The following ZSCAN25 variants were observed in gnomAD, a reference collection of about 807,000 sequenced individuals.
ZSCAN25 encodes the protein zinc finger and SCAN domain-containing protein 25.
A neutral mutation model predicts 38.7 loss-of-function variants in ZSCAN25; 27 were observed. The ratio of observed to expected loss-of-function variants is 0.70; its 90% CI spans 0.51 to 0.96. ZSCAN25 has a LOEUF of 0.96. Among genes scored for constraint, ZSCAN25 ranks in the 40% least tolerant of loss-of-function variants. The pLI, the probability that ZSCAN25 is intolerant of heterozygous loss-of-function variation, is 0.00. For synonymous variants in ZSCAN25, 273 were observed against 277.7 expected, an observed-to-expected ratio of 0.98 and a Z score of 0.17; for missense variants, 637 against 705.9, an observed-to-expected ratio of 0.90 and a Z score of 1.11.
At chr7:99,693,245 C>T in the ZSCAN25 span, among the ~76,000 whole-genome samples, 2 of 151,734 alleles carry the variant, frequency 1.3e-5, no homozygotes, top group Non-Finnish European at 3.0e-5. Context: ...GCAAATATTT[C>T]TGCCTCATCC....
chr7:99,729,016 A>G, the ZSCAN25 span, among the ~76,000 whole-genome samples: 3 of 152,156 alleles, frequency 2.0e-5, no homozygotes, highest in Admixed American at 2.0e-4. Flanking sequence ...TTTTATCTAA[A>G]CCAATCTGGC....
In ZSCAN25 at chr7:99,619,622, C is replaced by A. The variant is rs554605817; in HGVS notation, c.16C>A (p.Pro6Thr). 2 of 1,613,384 alleles carry A rather than the reference C, an allele frequency of 1.2e-6. No homozygotes were observed. Among genetic ancestry groups the A allele is most frequent in the Admixed American group, 3.3e-5 (2 of 59,984 alleles). Reference sequence around the variant, plus strand: ...GAGTCTGAAGATGCTTAAAGAGCATCCAGAGATGGCGGAAGCTCCTCAGCA... The same window carrying A: ...GAGTCTGAAGATGCTTAAAGAGCATACAGAGATGGCGGAAGCTCCTCAGCA... MLKEH[P>T]EMAEAPQQQL... is the part of the protein sequence containing the mutation. Residue 6 changes from proline to threonine, a missense_variant, in exon 4 of 8, where the codon CCA becomes ACA. By Grantham distance (38) the Pro-to-Thr change is conservative. Transcript: ENST00000394152.
At chr7:99,700,889 A>G in the ZSCAN25 span, among the ~76,000 whole-genome samples, 3 of 152,190 alleles carry the variant, frequency 2.0e-5, no homozygotes, top group Non-Finnish European at 4.4e-5. Context: ...CTGTTTCCCA[A>G]CTAATGCAAT....
the ZSCAN25 span, chr7:99,685,204 A>G: frequency 1.2e-6 from 2 of 1,613,672 alleles, no homozygotes; most frequent in East Asian, 4.5e-5. Flanking sequence ...TTCTGGTTGA[A>G]GAAGTCCTCC....
chr7:99,688,151 G>A, the ZSCAN25 span, among the ~76,000 whole-genome samples: 1 of 152,250 alleles, frequency 6.6e-6, no homozygotes, highest in South Asian at 2.1e-4. Context: ...ATAATGACAG[G>A]ATCAAATTCA....
At chr7:99,635,405 A>G (rs1275309567), downstream of ZSCAN25, among the ~76,000 whole-genome samples, 4 of 152,206 alleles carry the variant, frequency 2.6e-5, no homozygotes, top group East Asian at 7.7e-4. Flanking sequence ...TTCTTAGATT[A>G]TAATTTTTTT....
the ZSCAN25 span, among the ~76,000 whole-genome samples, chr7:99,691,434 AAAT>A: frequency 6.6e-6 from 1 of 151,954 alleles, no homozygotes; most frequent in Admixed American, 6.6e-5. Context: ...CCTAAAACTT[AAAT>A]AATAATAAAA....
chr7:99,715,783 T>G, the ZSCAN25 span: 37 of 1,613,896 alleles, frequency 2.3e-5, no homozygotes, highest in African/African-American at 3.9e-4. Context: ...ATGGATCTAA[T>G]GGATTAAATC....
chr7:99,632,878 C>T (rs1808098947), downstream of ZSCAN25, among the ~76,000 whole-genome samples: 1 of 152,070 alleles, frequency 6.6e-6, no homozygotes, highest in Non-Finnish European at 1.5e-5. Flanking sequence ...GTTGCTTTGT[C>T]TCTTAAGGCT....
the ZSCAN25 span, chr7:99,649,967 G>A: frequency 6.5e-6 from 9 of 1,390,254 alleles, no homozygotes; most frequent in East Asian, 2.0e-4. Context: ...TAGGTTCTTT[G>A]GCCCATAGAA....
the ZSCAN25 span, chr7:99,720,300 A>G: frequency 6.2e-7 from 1 of 1,611,954 alleles, no homozygotes; most frequent in Non-Finnish European, 8.5e-7. Context: ...AATTTCAAAA[A>G]ATGGATGCTT....
the ZSCAN25 span, among the ~76,000 whole-genome samples, chr7:99,669,806 G>A: frequency 6.6e-6 from 1 of 152,262 alleles, no homozygotes; most frequent in African/African-American, 2.4e-5. Flanking sequence ...ATATGTTAAA[G>A]CAATTTTCTT....
At chr7:99,669,556 A>G in the ZSCAN25 span, among the ~76,000 whole-genome samples, 50 of 152,220 alleles carry the variant, frequency 3.3e-4, no homozygotes, top group Admixed American at 3.3e-3. Context: ...TCACCAGACT[A>G]TAGCCAGGAG....
At chr7:99,685,274 A>G in the ZSCAN25 span, 12 of 1,611,990 alleles carry the variant, frequency 7.4e-6, no homozygotes, top group African/African-American at 9.3e-5. Flanking sequence ...AGCATTAAAT[A>G]AAGCAAAATT....
chr7:99,734,411 A>G, the ZSCAN25 span, among the ~76,000 whole-genome samples: 1 of 152,146 alleles, frequency 6.6e-6, no homozygotes, highest in Non-Finnish European at 1.5e-5. Flanking sequence ...TAAAATCCAA[A>G]TTCTGGTTTG....
the ZSCAN25 span, among the ~76,000 whole-genome samples, chr7:99,646,678 G>C: frequency 6.6e-6 from 1 of 152,048 alleles, no homozygotes; most frequent in African/African-American, 2.4e-5. Context: ...AACGAGCTCT[G>C]GTTCCCTTCA....
chr7:99,723,637 C>T, the ZSCAN25 span, among the ~76,000 whole-genome samples: 7 of 152,264 alleles, frequency 4.6e-5, no homozygotes, highest in African/African-American at 1.4e-4. Context: ...TGTCCTCGCC[C>T]TCACTCCATG....
chr7:99,723,555 T>C, the ZSCAN25 span, among the ~76,000 whole-genome samples: 7 of 152,272 alleles, frequency 4.6e-5, no homozygotes, highest in African/African-American at 1.7e-4. Flanking sequence ...TGGTGGTCTC[T>C]TCACATGGAC....
the ZSCAN25 span, chr7:99,711,030 G>A: frequency 1.4e-6 from 2 of 1,420,696 alleles, no homozygotes; most frequent in African/African-American, 1.4e-5. Flanking sequence ...CACTGGGGGT[G>A]GTTTCACTCT....
Sources: gnomAD v4.1 joint callset for allele counts (sites outside exome capture counted in the v4.1 genomes callset) on GRCh38, gnomAD v4.1.1 for gene constraint, MANE v1.5 for transcripts, NCBI Gene and HGNC (gene_info 2026-07-23, HGNC 2026-07-21) for gene names.